FBXO42: variants seen among roughly 807,000 people sequenced by gnomAD.
The protein encoded by FBXO42 is F-box protein 42.
Under a neutral mutation model 71.7 loss-of-function variants are expected in FBXO42, and 12 were observed. The ratio of observed to expected loss-of-function variants is 0.17; its 90% CI spans 0.11 to 0.27. FBXO42 has a LOEUF of 0.27. FBXO42 is among the 10% of genes least tolerant of loss of function. The probability of loss-of-function intolerance (pLI) is 1.00; values close to 1 mark genes in which losing one functional copy is unlikely to be tolerated. For synonymous variants in FBXO42, 325 were observed against 327.5 expected (o/e 0.99, Z 0.08); for missense variants, 707 against 911.9 (o/e 0.78, Z 2.89).
intron 1 of FBXO42, among the ~76,000 whole-genome samples, chr1:16,318,491 TA>T (rs1216118824): frequency 6.6e-6 from 1 of 152,180 alleles, no homozygotes; most frequent in African/African-American, 2.4e-5. Flanking sequence ...TTAATAATTT[TA>T]AAAATGTCTT....
chr1:16,256,587 G>A lies in FBXO42; in HGVS notation c.656+19C>T, dbSNP rs759374568. On this transcript the variant is annotated intron_variant, in intron 5 of 9. Coordinates refer to ENST00000375592, the MANE Select transcript of FBXO42 (RefSeq NM_018994.3). Reference sequence around the variant, plus strand: ...AGGCCTTTTCTTCCAGATTTAAAGAGTTTATCTTTGTGACTTACCAATTTT... The same window carrying A: ...AGGCCTTTTCTTCCAGATTTAAAGAATTTATCTTTGTGACTTACCAATTTT... 5 of 1,611,974 alleles carry A rather than the reference G, an allele frequency of 3.1e-6. No homozygotes were observed. The South Asian group carries it at 5.5e-5, about 18-fold the overall frequency.
intron 3 of FBXO42, among the ~76,000 whole-genome samples, chr1:16,303,288 A>T (rs749023219): frequency 1.3e-4 from 20 of 152,156 alleles, no homozygotes; most frequent in African/African-American, 1.9e-4. Context: ...CATGTTTCAG[A>T]CTTGCAGTAT....
intron 4 of FBXO42, among the ~76,000 whole-genome samples, chr1:16,282,269 A>G (rs2081972456): frequency 6.8e-6 from 1 of 146,626 alleles, no homozygotes; most frequent in Non-Finnish European, 1.5e-5. Context: ...TCTGTCCCCC[A>G]GGCTGGAGTG....
intron 4 of FBXO42, among the ~76,000 whole-genome samples, chr1:16,268,920 G>A (rs953400683): frequency 4.6e-5 from 7 of 150,734 alleles, no homozygotes; most frequent in Non-Finnish European, 1.0e-4. Context: ...GGGATTCTCC[G>A]GTCTCAGCCT....
chr1:16,317,848 G>A (rs931019421), intron 1 of FBXO42, among the ~76,000 whole-genome samples: 2 of 151,510 alleles, frequency 1.3e-5, no homozygotes, highest in African/African-American at 4.9e-5. Flanking sequence ...GAGCCCAAGA[G>A]TTTGAGGCTA....
intron 4 of FBXO42, among the ~76,000 whole-genome samples, chr1:16,291,462 C>G (rs1466559166): frequency 1.3e-5 from 2 of 152,016 alleles, no homozygotes; most frequent in Non-Finnish European, 2.9e-5. Context: ...CTCACTGCAA[C>G]CTCTGCCTCC....
At chr1:16,338,354 C>CAAAAAA (rs55865669) in intron 1 of FBXO42, among the ~76,000 whole-genome samples, 1 of 108,152 alleles carries the variant, frequency 9.2e-6, no homozygotes, top group Non-Finnish European at 1.8e-5. Context: ...GCCCTATCTC[C>CAAAAAA]AAAAAAAAAA....
At chr1:16,261,798 G>A (rs1203470052) in intron 4 of FBXO42, among the ~76,000 whole-genome samples, 1 of 152,076 alleles carries the variant, frequency 6.6e-6, no homozygotes, top group Non-Finnish European at 1.5e-5. Context: ...CCACCTCCCA[G>A]GTTCAAGGGA....
At chr1:16,347,607 C>T (rs2082663331) in intron 1 of FBXO42, among the ~76,000 whole-genome samples, 1 of 152,212 alleles carries the variant, frequency 6.6e-6, no homozygotes, top group African/African-American at 2.4e-5. Flanking sequence ...GTAATCCCAG[C>T]ACTTTGGGAG....
At chr1:16,329,701 G>A (rs1459659388) in intron 1 of FBXO42, among the ~76,000 whole-genome samples, 2 of 151,794 alleles carry the variant, frequency 1.3e-5, no homozygotes, top group Non-Finnish European at 2.9e-5. Context: ...TGTAAACCCA[G>A]CATTTTGGGA....
rs112291081 is a variant in FBXO42 at position 16,271,976 on chromosome 1, C to CA, written c.503-15218dup. On this transcript the variant is annotated intron_variant, in intron 4 of 9. Coordinates refer to ENST00000375592, the MANE Select transcript of FBXO42 (RefSeq NM_018994.3). The stretch of plus-strand genomic sequence containing the variant: ...CAACATGGTGAAACCCCGTTTCTAC[C>CA]AAAAAAAAAAAAAAGAAAACAATAC... 2.5e-3 allele frequency among the ~76,000 whole-genome samples: 273 copies of CA among 109,784 alleles called. 1 individual carries two copies. Among genetic ancestry groups the CA allele is most frequent in the Middle Eastern group, 4.8e-3 (1 of 210 alleles). 72.0% of individuals were successfully genotyped at this position (109,784 alleles called of 152,430 possible). A position where few individuals can be genotyped will look rare whatever the true frequency, so the allele number is the denominator to read the frequency against.
chr1:16,276,754 A>T (rs933501975), intron 4 of FBXO42, among the ~76,000 whole-genome samples: 1 of 152,256 alleles, frequency 6.6e-6, no homozygotes, highest in Non-Finnish European at 1.5e-5. Flanking sequence ...AATAAGAGAA[A>T]CAATGCTAGA....
intron 1 of FBXO42, among the ~76,000 whole-genome samples, chr1:16,320,860 C>G (rs1486765964): frequency 6.6e-6 from 1 of 152,058 alleles, no homozygotes; most frequent in African/African-American, 2.4e-5. Context: ...TCTAAATTCA[C>G]CAAGGAAAAG....
Position 16,341,038 on chromosome 1 carries a change from C to G in FBXO42, c.-18+11217G>C, listed in dbSNP as rs901292400. On this transcript the variant is annotated intron_variant, in intron 1 of 9. Coordinates refer to ENST00000375592, the MANE Select transcript of FBXO42 (RefSeq NM_018994.3). The stretch of plus-strand genomic sequence containing the variant: ...TTGAACAAACTCTGGTGCATCCTCA[C>G]TGTGTAGGTGTGGAAATGAATAAGG... 2.0e-5 allele frequency among the ~76,000 whole-genome samples: 3 copies of G among 152,276 alleles called. No individual in the cohort carries two copies. In the East Asian group the frequency reaches 5.8e-4, roughly 29 times the overall value.
chr1:16,316,730 CAAAAAA>C (rs71003274), intron 1 of FBXO42, among the ~76,000 whole-genome samples: 4 of 51,580 alleles, frequency 7.8e-5, no homozygotes, highest in East Asian at 7.7e-4. Flanking sequence ...GAAAGACTCT[CAAAAAA>C]AAAAAAAAAA....
chr1:16,290,569 A>G (rs956494112), intron 4 of FBXO42, among the ~76,000 whole-genome samples: 1 of 152,026 alleles, frequency 6.6e-6, no homozygotes, highest in Admixed American at 6.6e-5. Context: ...GCACACACCT[A>G]TAATTCCAGC....
intron 1 of FBXO42, among the ~76,000 whole-genome samples, chr1:16,316,730 C>CAAAA (rs71003274): frequency 4.4e-3 from 226 of 50,826 alleles, no homozygotes; most frequent in Middle Eastern, 0.014. Flanking sequence ...GAAAGACTCT[C>CAAAA]AAAAAAAAAA....
At chr1:16,350,190 C>T (rs2082686253) in intron 1 of FBXO42, among the ~76,000 whole-genome samples, 1 of 151,966 alleles carries the variant, frequency 6.6e-6, no homozygotes, top group Admixed American at 6.6e-5. Flanking sequence ...ATCTGGAGAG[C>T]AAATGATGTC....
intron 4 of FBXO42, among the ~76,000 whole-genome samples, chr1:16,263,735 C>CA (rs140519776): frequency 0.35 from 47,089 of 134,322 alleles, 9,257 homozygotes; most frequent in East Asian, 0.69. Flanking sequence ...AGGAAAAAAA[C>CA]AAAAAAAAAC....
Sources: allele counts gnomAD v4.1 joint callset (sites outside exome capture counted in the v4.1 genomes callset), GRCh38; gene constraint gnomAD v4.1.1; transcripts MANE v1.5; gene names NCBI Gene and HGNC (gene_info 2026-07-23, HGNC 2026-07-21).